The following CNTNAP5 variants were observed in gnomAD, a reference collection of about 807,000 sequenced individuals.
The protein encoded by CNTNAP5 is contactin associated protein family member 5, also known as contactin-associated protein-like 5.
Under a neutral mutation model 150.2 loss-of-function variants are expected in CNTNAP5, and 72 were observed. The ratio of observed to expected loss-of-function variants is 0.48; its 90% CI spans 0.40 to 0.58. The LOEUF (loss-of-function observed/expected upper bound fraction) is 0.58. Among genes scored for constraint, CNTNAP5 ranks in the 20% least tolerant of loss-of-function variants. CNTNAP5 has a pLI of 0.00. For synonymous variants in CNTNAP5, 672 were observed against 619.8 expected, an observed-to-expected ratio of 1.08 and a Z score of -1.25; for missense variants, 1,636 against 1,626.2, an observed-to-expected ratio of 1.01 and a Z score of -0.10.
chr2:124,278,912 G>A (rs1031771536), intron 3 of CNTNAP5, among the ~76,000 whole-genome samples: 3 of 152,012 alleles, frequency 2.0e-5, no homozygotes, highest in East Asian at 1.9e-4. Flanking sequence ...TATTGATCTT[G>A]TTTATACATC....
At chr2:124,458,923 C>T (rs190605611) in intron 6 of CNTNAP5, among the ~76,000 whole-genome samples, 29 of 152,204 alleles carry the variant, frequency 1.9e-4, no homozygotes, top group Non-Finnish European at 3.5e-4. Flanking sequence ...ACCATGTTGA[C>T]ATGGAAGAAA....
chr2:124,902,819 C>A, intron 21 of CNTNAP5, 63 bp from the exon 22 acceptor site: 1 of 1,151,020 alleles, frequency 8.7e-7, no homozygotes, highest in Non-Finnish European at 1.2e-6. Flanking sequence ...CAAAGAGGAC[C>A]CAGCATATAA....
At chr2:124,640,116 T>C (rs1678059657) in intron 12 of CNTNAP5, among the ~76,000 whole-genome samples, 1 of 151,934 alleles carries the variant, frequency 6.6e-6, no homozygotes, top group African/African-American at 2.4e-5. Flanking sequence ...GTGTCTAAAT[T>C]AAATAATAAT....
chr2:124,524,695 A>G (rs935838131), intron 9 of CNTNAP5, among the ~76,000 whole-genome samples: 4 of 152,208 alleles, frequency 2.6e-5, no homozygotes, highest in Non-Finnish European at 5.9e-5. Context: ...CTTTAGCTAC[A>G]AGAGCTGGTG....
At chr2:124,684,626 G>A (rs1679150493) in intron 13 of CNTNAP5, among the ~76,000 whole-genome samples, 1 of 152,146 alleles carries the variant, frequency 6.6e-6, no homozygotes, top group South Asian at 2.1e-4. Context: ...AGGTTTTTGA[G>A]GCTTTCATTG....
intron 8 of CNTNAP5, among the ~76,000 whole-genome samples, chr2:124,513,944 A>G (rs1694649817): frequency 2.0e-5 from 3 of 152,198 alleles, no homozygotes; most frequent in South Asian, 4.1e-4. Context: ...CTGCACATCA[A>G]GTAAACATGA....
At chr2:124,459,801 G>A (rs1010750630) in intron 6 of CNTNAP5, among the ~76,000 whole-genome samples, 4 of 151,480 alleles carry the variant, frequency 2.6e-5, no homozygotes, top group African/African-American at 9.7e-5. Context: ...TCTTAGCAAT[G>A]GGAATAATAC....
At chr2:124,715,738 A>G (rs1028412583) in intron 13 of CNTNAP5, among the ~76,000 whole-genome samples, 2 of 152,106 alleles carry the variant, frequency 1.3e-5, no homozygotes, top group African/African-American at 2.4e-5. Flanking sequence ...TGGAAATGCA[A>G]TCTTCATCTG....
intron 13 of CNTNAP5, among the ~76,000 whole-genome samples, chr2:124,698,381 C>T (rs916646678): frequency 2.9e-5 from 4 of 140,064 alleles, no homozygotes; most frequent in Non-Finnish European, 6.6e-5. Flanking sequence ...AGGATACACA[C>T]ACACACACAC....
chr2:124,859,768 A>G (rs2104713455), intron 19 of CNTNAP5, among the ~76,000 whole-genome samples: 1 of 152,250 alleles, frequency 6.6e-6, no homozygotes, highest in South Asian at 2.1e-4. Flanking sequence ...AGGGACATGG[A>G]TGAAGCTGGA....
At position 124,763,784 on chromosome 2, in the gene CNTNAP5, C is replaced by T. The variant is rs1455891898; in HGVS notation, c.2347C>T (p.Arg783Cys). The T allele has an allele frequency of 2.5e-6, 4 of 1,612,910 alleles. No individual in the cohort carries two copies. Among genetic ancestry groups the T allele is most frequent in the Non-Finnish European group, 3.4e-6 (4 of 1,179,434 alleles). ...SEAAWRIGPLRCYGDRRFWNA... is the reference protein window; with the variant it reads ...SEAAWRIGPLCCYGDRRFWNA... ...AGCCGCTTGGAGAATTGGTCCCTTG[C>T]GTTGCTATGGTGACCGTGAGTACAA... Residue 783 changes from arginine to cysteine, a missense_variant, in exon 15 of 24, where the codon CGT (arginine) becomes TGT (cysteine). By Grantham distance (180) the Arg-to-Cys change is radical. Transcript: ENST00000682447.
chr2:124,604,790 G>A (rs956107187), intron 11 of CNTNAP5, among the ~76,000 whole-genome samples: 10 of 152,116 alleles, frequency 6.6e-5, no homozygotes, highest in African/African-American at 2.4e-4. Context: ...AGCATTTAAG[G>A]AACAAGTATA....
At chr2:124,810,341 G>A (rs1048197835) in intron 19 of CNTNAP5, among the ~76,000 whole-genome samples, 2 of 152,078 alleles carry the variant, frequency 1.3e-5, no homozygotes, top group African/African-American at 2.4e-5. Flanking sequence ...AAGCTCCCTC[G>A]TGTGGCTGTT....
intron 8 of CNTNAP5, among the ~76,000 whole-genome samples, chr2:124,515,675 A>T (rs1034338105): frequency 3.3e-5 from 5 of 152,120 alleles, no homozygotes; most frequent in African/African-American, 1.2e-4. Context: ...AGATTGGGGG[A>T]TGGATTTTGA....
chr2:124,457,481 A>G (rs1693148542), intron 6 of CNTNAP5, among the ~76,000 whole-genome samples: 1 of 152,182 alleles, frequency 6.6e-6, no homozygotes, highest in Admixed American at 6.5e-5. Flanking sequence ...GAAAACATCA[A>G]AAAGTGTGCT....
chr2:124,202,747 C>G (rs1217228615), intron 1 of CNTNAP5, among the ~76,000 whole-genome samples: 2 of 152,070 alleles, frequency 1.3e-5, no homozygotes, highest in Non-Finnish European at 2.9e-5. Context: ...TTTATTAGAC[C>G]ATTAGATTTT....
At chr2:124,558,127 G>A (rs4848939) in intron 10 of CNTNAP5, among the ~76,000 whole-genome samples, 59,597 of 152,010 alleles carry the variant, frequency 0.39, 12,144 homozygotes, top group South Asian at 0.46. Flanking sequence ...ATTAACTGAA[G>A]GGGTCAAGGA....
At position 124,419,940 on chromosome 2, in the gene CNTNAP5, CTTT is replaced by C. The variant is rs1272963294; in HGVS notation, c.529+2351_529+2353del. ...TCTTTCTTTCTTTCTTTCTTTCTTT[CTTT>C]CTTTCTTTCTTTCCTTTTCTCTCTC... is the stretch of plus-strand genomic sequence containing the variant. On this transcript the variant is annotated intron_variant, in intron 4 of 23. Coordinates refer to ENST00000682447, the MANE Select transcript of CNTNAP5 (RefSeq NM_001367498.1). 3.3e-3 allele frequency among the ~76,000 whole-genome samples: 401 copies of C among 119,864 alleles called. 2 individuals are homozygous for C. The highest frequency in any genetic ancestry group is 7.5e-3 in the Middle Eastern group (2 of 266). 78.6% of individuals were successfully genotyped at this position (119,864 alleles called of 152,430 possible).
chr2:124,396,479 T>C (rs908751035), intron 3 of CNTNAP5, among the ~76,000 whole-genome samples: 1 of 152,202 alleles, frequency 6.6e-6, no homozygotes, highest in African/African-American at 2.4e-5. Flanking sequence ...GTCCCTTTTT[T>C]CTGGATACGA....
Sources: allele counts gnomAD v4.1 joint callset (sites outside exome capture counted in the v4.1 genomes callset), GRCh38; gene constraint gnomAD v4.1.1; transcripts MANE v1.5; gene names NCBI Gene and HGNC (gene_info 2026-07-23, HGNC 2026-07-21).